Variants in MAST4 observed in about 807,000 individuals in gnomAD.
The protein encoded by MAST4 is microtubule associated serine/threonine kinase family member 4.
A neutral mutation model predicts 162.7 loss-of-function variants in MAST4; 89 were observed. The ratio of observed to expected loss-of-function variants is 0.55; its 90% confidence interval spans 0.46 to 0.65. The LOEUF is 0.65. Among genes scored for constraint, MAST4 ranks in the 30% least tolerant of loss-of-function variants. The probability of loss-of-function intolerance (pLI) is 0.00; values close to 1 mark genes in which losing one functional copy is unlikely to be tolerated. For synonymous variants in MAST4, 1,479 were observed against 1,361.1 expected, an observed-to-expected ratio of 1.09 and a Z score of -1.91; for missense variants, 3,153 against 3,374.0, an observed-to-expected ratio of 0.93 and a Z score of 1.62.
intron 3 of MAST4, among the ~76,000 whole-genome samples, chr5:66,866,805 C>T (rs999599106): frequency 4.6e-5 from 7 of 152,196 alleles, no homozygotes; most frequent in Admixed American, 2.6e-4. Flanking sequence ...GGCTGGAGTG[C>T]GGTGCGTGAT....
At chr5:66,871,391 T>C (rs533570842) in intron 3 of MAST4, among the ~76,000 whole-genome samples, 1 of 152,280 alleles carries the variant, frequency 6.6e-6, no homozygotes, top group South Asian at 2.1e-4. Context: ...AACTGAAAAT[T>C]TACCAAGCTG....
At chr5:66,605,126 AAAATTTGCTTTTTACTCACATACTTTT>A (rs1472456550) in intron 1 of MAST4, among the ~76,000 whole-genome samples, 2 of 152,214 alleles carry the variant, frequency 1.3e-5, no homozygotes, top group African/African-American at 4.8e-5. Context: ...ACAAACTCAC[AAAATTTGCTTTTTACTCACATACTTTT>A]AGCTGGAGTG....
rs148120856 is a variant in MAST4, at chr5:66,909,084, C to T, written c.674+9102C>T. On this transcript the variant is annotated intron_variant, in intron 4 of 28. Coordinates refer to ENST00000403625, the MANE Select transcript of MAST4 (RefSeq NM_001164664.2). Reference sequence around the variant, plus strand: ...TGTCCTGTTGAGTTAGACAAAAGACCACAAAGTAGGCTGGGGAAGTCCCCT... The same window carrying T: ...TGTCCTGTTGAGTTAGACAAAAGACTACAAAGTAGGCTGGGGAAGTCCCCT... 4.9e-3 allele frequency among the ~76,000 whole-genome samples: 746 copies of T among 152,234 alleles called. 4 individuals carry two copies. Among genetic ancestry groups the T allele is most frequent in the African/African-American group, 0.017 (720 of 41,530 alleles).
chr5:66,851,821 CT>C (rs1221509510), intron 3 of MAST4, among the ~76,000 whole-genome samples: 1 of 152,102 alleles, frequency 6.6e-6, no homozygotes, highest in Non-Finnish European at 1.5e-5. Context: ...CTATACCCTT[CT>C]TTTTGACTGT....
intron 4 of MAST4, among the ~76,000 whole-genome samples, chr5:66,941,289 A>G (rs1218934293): frequency 2.0e-5 from 3 of 152,126 alleles, no homozygotes; most frequent in Non-Finnish European, 4.4e-5. Context: ...CTCGCTAGCT[A>G]TGAAAGTCCC....
intron 1 of MAST4, among the ~76,000 whole-genome samples, chr5:66,741,122 C>A (rs749593712): frequency 1.4e-4 from 22 of 152,192 alleles, no homozygotes; most frequent in Non-Finnish European, 2.6e-4. Context: ...TTGATACTTG[C>A]CATTTCCTTG....
At chr5:67,060,885 A>G (rs1759488683) in intron 5 of MAST4, among the ~76,000 whole-genome samples, 1 of 152,198 alleles carries the variant, frequency 6.6e-6, no homozygotes, top group African/African-American at 2.4e-5. Context: ...TTGGCACATA[A>G]TGCCAACCAA....
At chr5:66,644,252 G>A (rs1034752904) in intron 1 of MAST4, among the ~76,000 whole-genome samples, 1 of 151,678 alleles carries the variant, frequency 6.6e-6, no homozygotes, top group Admixed American at 6.6e-5. Flanking sequence ...TATGTAATAG[G>A]GATTTACTTA....
At chr5:67,044,768 C>T in intron 4 of MAST4, among the ~76,000 whole-genome samples, 1 of 152,200 alleles carries the variant, frequency 6.6e-6, no homozygotes, top group East Asian at 1.9e-4. Context: ...CTGCCTTGGC[C>T]ACCCAAAGTG....
At chr5:66,955,574 C>G (rs1196847628) in intron 4 of MAST4, among the ~76,000 whole-genome samples, 8 of 152,094 alleles carry the variant, frequency 5.3e-5, no homozygotes, top group African/African-American at 1.7e-4. Flanking sequence ...GCCTATTACC[C>G]AAGTTTAATA....
At chr5:66,787,581 C>T (rs2149673030) in intron 2 of MAST4, among the ~76,000 whole-genome samples, 1 of 152,258 alleles carries the variant, frequency 6.6e-6, no homozygotes, top group Middle Eastern at 3.4e-3. Flanking sequence ...GTACAATGTG[C>T]TTGTGAGATG....
chr5:66,603,132 CA>C (rs1022432312), intron 1 of MAST4, among the ~76,000 whole-genome samples: 1 of 152,170 alleles, frequency 6.6e-6, no homozygotes, highest in Non-Finnish European at 1.5e-5. Flanking sequence ...ATGCTTCTAG[CA>C]TATTTTGTTG....
intron 3 of MAST4, among the ~76,000 whole-genome samples, chr5:66,792,914 T>C (rs1755482723): frequency 6.6e-6 from 1 of 152,226 alleles, no homozygotes; most frequent in African/African-American, 2.4e-5. Context: ...AATTGGTTTA[T>C]GTCCAGATGA....
intron 5 of MAST4, 53 bp downstream of exon 5, chr5:67,054,545 T>C: frequency 6.9e-7 from 1 of 1,450,634 alleles, no homozygotes; most frequent in South Asian, 1.3e-5. Flanking sequence ...TTGTTGGTTT[T>C]TTAAAATAAT....
rs1274748035 is a variant in MAST4, at chr5:67,095,610, C to T, written c.847C>T (p.Arg283Cys). Residue 283 changes from arginine to cysteine, a missense_variant, in exon 7 of 29, where the codon CGC becomes TGC. Physicochemically the swap from Arg to Cys is radical, Grantham distance 180 (BLOSUM62 -3). Around this residue, in one of 7 missense-constraint regions of MAST4, gnomAD observed 360 missense variants for 450.0 expected, o/e 0.80. Transcript: ENST00000403625. ...FSFARRTDGRRWSLASLPSSG... is the reference protein window; with the variant it reads ...FSFARRTDGRCWSLASLPSSG... ...CTTTCTCAATAGGACTGATGGACGC[C>T]GCTGGTCGTTGGCTTCTCTCCCTTC... 1.9e-6 allele frequency: 3 copies of T among 1,609,040 alleles called. No homozygotes were observed. The highest frequency in any genetic ancestry group is 2.5e-6 in the Non-Finnish European group (3 of 1,177,312).
chr5:67,086,888 T>C (rs1004661568), intron 5 of MAST4, among the ~76,000 whole-genome samples: 3 of 152,256 alleles, frequency 2.0e-5, no homozygotes, highest in Non-Finnish European at 4.4e-5. Context: ...GTTTAGAACA[T>C]ATAACATGTG....
At chr5:66,819,577 T>A (rs980356175) in intron 3 of MAST4, among the ~76,000 whole-genome samples, 1 of 152,204 alleles carries the variant, frequency 6.6e-6, no homozygotes, top group African/African-American at 2.4e-5. Flanking sequence ...CATGAGGGAT[T>A]CCATACTAAT....
intron 3 of MAST4, among the ~76,000 whole-genome samples, chr5:66,894,745 G>T (rs1379594884): frequency 6.6e-6 from 1 of 152,224 alleles, no homozygotes; most frequent in African/African-American, 2.4e-5. Context: ...TCTATGTGGG[G>T]TTTGGGAGTG....
chr5:67,093,247 C>T (rs1764061790), intron 6 of MAST4, among the ~76,000 whole-genome samples: 1 of 152,078 alleles, frequency 6.6e-6, no homozygotes, highest in Non-Finnish European at 1.5e-5. Flanking sequence ...TAATGTAACA[C>T]CAAGATTCCC....
Sources: gnomAD v4.1 joint callset for allele counts (sites outside exome capture counted in the v4.1 genomes callset) on GRCh38, gnomAD v4.1.1 for gene constraint, gnomAD v4.1.1 regional missense constraint, MANE v1.5 for transcripts, NCBI Gene and HGNC (gene_info 2026-07-23, HGNC 2026-07-21) for gene names.